The following S100A7 variants were observed in gnomAD, a reference collection of about 807,000 sequenced individuals.
The protein encoded by S100A7 is S100 calcium binding protein A7.
A neutral mutation model predicts 3.8 loss-of-function variants in S100A7; 2 were observed. That is an observed-to-expected ratio of 0.53 (90% CI 0.22 to 1.67). S100A7 has a LOEUF of 1.67. Ranked by LOEUF, S100A7 falls within the 40% of genes most tolerant of loss-of-function variation. S100A7 has a pLI of 0.20. For synonymous variants in S100A7, 55 were observed against 45.9 expected (o/e 1.20, Z -0.80); for missense variants, 130 against 126.3 (o/e 1.03, Z -0.14).
At chr1:153,459,262 G>A (rs376344300) in intron 1 of S100A7, among the ~76,000 whole-genome samples, 15 of 152,336 alleles carry the variant, frequency 9.8e-5, no homozygotes, top group Middle Eastern at 3.4e-3. Context: ...GGTGGATGGC[G>A]GAAGTCCAGC....
At position 153,458,931 on chromosome 1, in the gene S100A7, T is replaced by C. The variant is rs1213351919; in HGVS notation, c.83A>G (p.Glu28Gly). Residue 28 changes from glutamate to glycine, a missense_variant, in exon 2 of 3, where the codon GAG becomes GGG. By Grantham distance (98) the Glu-to-Gly change is moderately conservative (BLOSUM62 -2). Transcript: ENST00000368723. ...CATCATCGTCAGCAGGCTTGGCTTC[T>C]CAATCTTGTCATCACGTCTGGTGTA... ...HKYTRRDDKI[E>G]KPSLLTMMKE... The C allele has an allele frequency of 8.7e-6, 14 of 1,614,050 alleles. No individual in the cohort carries two copies. Among genetic ancestry groups the C allele is most frequent in the Non-Finnish European group, 1.2e-5 (14 of 1,179,930 alleles).
chr1:153,458,087 G>A (rs574181063), intron 2 of S100A7, 117 bp from the exon 3 acceptor site: 2 of 1,185,900 alleles, frequency 1.7e-6, no homozygotes, highest in South Asian at 1.4e-5. Context: ...AGGCATGGTG[G>A]CGGGGCTGAG....
Position 153,457,939 on chromosome 1 carries a change from A to G in S100A7, c.173T>C (p.Val58Ala), listed in dbSNP as rs1176096804. Residue 58 changes from valine to alanine, a missense_variant, in exon 3 of 3, where the codon GTC (valine) becomes GCC (alanine). Transcript: ENST00000368723. Reference sequence around the variant, plus strand: ...CTCATTCTTGTCCTTTTTCTCAAAGACATCGGCGAGGTAATTTGTGCCCTT... The same window carrying G: ...CTCATTCTTGTCCTTTTTCTCAAAGGCATCGGCGAGGTAATTTGTGCCCTT... ...DKKGTNYLAD[V>A]FEKKDKNEDK... 4 of 1,614,204 alleles carry G rather than the reference A, an allele frequency of 2.5e-6. No individual in the cohort carries two copies. The Admixed American group carries it at 6.7e-5, about 27-fold the overall frequency.
At chr1:153,459,154 ATT>A in intron 1 of S100A7, 124 bp from the exon 2 acceptor site, 8 of 1,156,436 alleles carry the variant, frequency 6.9e-6, no homozygotes, top group Non-Finnish European at 9.6e-6. Flanking sequence ...AACGAACTCA[ATT>A]TTTTTTTAAT....
chr1:153,458,853 G>C lies in S100A7; in HGVS notation c.141+20C>G. ...AGCAAAATGTATCCTCCAACATTGA[G>C]AAGCTAGACACCGACTCACACAGGC... On this transcript the variant is annotated intron_variant, in intron 2 of 2. Coordinates refer to ENST00000368723, the MANE Select transcript of S100A7 (RefSeq NM_002963.4). The C allele has an allele frequency of 6.2e-7, 1 of 1,613,010 alleles. No individual in the cohort carries two copies. The highest frequency in any genetic ancestry group is 1.1e-5 in the South Asian group (1 of 90,948).
intron 2 of S100A7, among the ~76,000 whole-genome samples, chr1:153,458,655 GCA>G (rs941123946): frequency 9.2e-5 from 14 of 152,074 alleles, no homozygotes; most frequent in African/African-American, 3.1e-4. Context: ...CCCTCAAGCT[GCA>G]CACTTTGCTG....
chr1:153,458,024 G>A lies in S100A7; in HGVS notation c.142-54C>T, dbSNP rs571374972. 1.6e-4 allele frequency: 252 copies of A among 1,592,064 alleles called. 1 individual carries two copies. In the South Asian group the frequency reaches 2.8e-3, roughly 18 times the overall value. Reference sequence around the variant, plus strand: ...AAAATTCAATCACAAACAAGTTTTGGGCTGGGAGGGAGAGGAGGAGGCAGA... The same window carrying A: ...AAAATTCAATCACAAACAAGTTTTGAGCTGGGAGGGAGAGGAGGAGGCAGA... On this transcript the variant is annotated intron_variant, in intron 2 of 2. Coordinates refer to ENST00000368723, the MANE Select transcript of S100A7 (RefSeq NM_002963.4).
Position 153,457,911 on chromosome 1 carries a change from A to T in S100A7, c.201T>A (p.Asp67Glu). ...DVFEKKDKNE[D>E]KKIDFSEFLS... ...GAAACTCAGAAAAATCAATCTTCTT[A>T]TCCTCATTCTTGTCCTTTTTCTCAA... Residue 67 changes from aspartate to glutamate, a missense_variant, in exon 3 of 3, where the codon GAT becomes GAA. Asp to Glu is a conservative substitution (Grantham distance 45). Coordinates refer to ENST00000368723, the MANE Select transcript of S100A7 (RefSeq NM_002963.4). 1 of 1,614,196 alleles carries T rather than the reference A, an allele frequency of 6.2e-7. No homozygotes were observed. The highest frequency in any genetic ancestry group is 2.2e-5 in the East Asian group (1 of 44,886).
At chr1:153,458,849 T>A (rs1205212607) in intron 2 of S100A7, 24 bp downstream of exon 2, 5 of 1,612,878 alleles carry the variant, frequency 3.1e-6, no homozygotes, top group Non-Finnish European at 4.2e-6. Flanking sequence ...TCCTCCAACA[T>A]TGAGAAGCTA....
intron 1 of S100A7, among the ~76,000 whole-genome samples, chr1:153,459,629 C>T (rs1663779127): frequency 6.6e-6 from 1 of 152,148 alleles, no homozygotes; most frequent in Non-Finnish European, 1.5e-5. Context: ...GCACAGGGGG[C>T]CCTTCTTGTA....
chr1:153,458,412 T>C (rs1409986038), intron 2 of S100A7, among the ~76,000 whole-genome samples: 1 of 152,206 alleles, frequency 6.6e-6, no homozygotes, highest in East Asian at 1.9e-4. Context: ...ATCCTACTCT[T>C]GGTCATCTAG....
chr1:153,459,049 A>G lies in S100A7; in HGVS notation c.-17-19T>C. On this transcript the variant is annotated intron_variant, in intron 1 of 2. Coordinates refer to ENST00000368723, the MANE Select transcript of S100A7 (RefSeq NM_002963.4). ...AAAAAGCCTTCAGGAAATAAAGACA[A>G]TCATTTTTTTCCCTTCATTTAAGTT... The G allele has an allele frequency of 6.2e-7, 1 of 1,607,424 alleles. No homozygotes were observed. Among genetic ancestry groups the G allele is most frequent in the Non-Finnish European group, 8.5e-7 (1 of 1,176,024 alleles).
chr1:153,457,836 T>C lies in S100A7; in HGVS notation c.276A>G (p.Gly92=). 6.2e-7 allele frequency: 1 copy of C among 1,614,160 alleles called. No homozygotes were observed. The highest frequency in any genetic ancestry group is 8.5e-7 in the Non-Finnish European group (1 of 1,180,022). The change falls in exon 3 of 3, where the codon GGA becomes GGG. Residue 92 remains glycine, a synonymous_variant. Coordinates refer to ENST00000368723, the MANE Select transcript of S100A7 (RefSeq NM_002963.4). ...IATDYHKQSH[G]AAPCSGGSQ ...GGCTGCCCCCGGAACAGGGCGCTGC[T>C]CCATGGCTCTGCTTGTGGTAGTCTG...
At chr1:153,460,337 G>A (rs575250950) in intron 1 of S100A7, among the ~76,000 whole-genome samples, 2 of 152,188 alleles carry the variant, frequency 1.3e-5, no homozygotes, top group Non-Finnish European at 2.9e-5. Flanking sequence ...GGACAGGGAG[G>A]GTCCTGTGCT....
At position 153,458,901 on chromosome 1, in the gene S100A7, TC is replaced by T; in HGVS notation, c.112del (p.Glu38ArgfsTer45). ...GGCACTAAGGAAGTTGGGGAAGTTC[TC>T]CTTCATCATCGTCAGCAGGCTTGGC... is the stretch of plus-strand genomic sequence containing the variant. ...EKPSLLTMMK[E>X]NFPNFLSACD... On this transcript the variant is annotated frameshift_variant, in exon 2 of 3. Transcript: ENST00000368723. LOFTEE classifies it low-confidence loss of function (END_TRUNC). The T allele has an allele frequency of 6.2e-7, 1 of 1,613,954 alleles. No individual in the cohort carries two copies.
At position 153,459,008 on chromosome 1, in the gene S100A7, G is replaced by A; in HGVS notation, c.6C>T (p.Ser2=). Residue 2 remains serine (S), a synonymous_variant, in exon 2 of 3, where the codon AGC becomes AGT. Coordinates refer to ENST00000368723, the MANE Select transcript of S100A7 (RefSeq NM_002963.4). ...TTATGGACCTCTCAGCTTGAGTGTTGCTCATCTTTGCTTTCAAAAAGCCTT... is the reference window on the plus strand; with the variant it reads ...TTATGGACCTCTCAGCTTGAGTGTTACTCATCTTTGCTTTCAAAAAGCCTT... The part of the protein sequence containing the change: M[S]NTQAERSIIG... 6.2e-7 allele frequency: 1 copy of A among 1,610,690 alleles called. No homozygotes were observed. Among genetic ancestry groups the A allele is most frequent in the Non-Finnish European group, 8.5e-7 (1 of 1,178,878 alleles).
chr1:153,459,118 G>A, intron 1 of S100A7, 88 bp from the exon 2 acceptor site: 1 of 1,460,794 alleles, frequency 6.8e-7, no homozygotes, highest in Non-Finnish European at 9.3e-7. Context: ...TGAGGACAGA[G>A]TAAAAACACG....
Position 153,457,973 on chromosome 1 carries a change from G to A in S100A7, c.142-3C>T, listed in dbSNP as rs1222048009. The A allele has an allele frequency of 1.2e-6, 2 of 1,612,918 alleles. No individual in the cohort carries two copies. Among genetic ancestry groups the A allele is most frequent in the African/African-American group, 1.3e-5 (1 of 74,800 alleles). ...AGGTAATTTGTGCCCTTTTTGTCCT[G>A]TGAAGAGAAAAACATACAAAATAGA... is the stretch of plus-strand genomic sequence containing the variant. On this transcript the variant is annotated splice_region_variant and splice_polypyrimidine_tract_variant and intron_variant, in intron 2 of 2. Transcript: ENST00000368723.
At chr1:153,459,548 G>T (rs1046504493) in intron 1 of S100A7, among the ~76,000 whole-genome samples, 4 of 152,194 alleles carry the variant, frequency 2.6e-5, no homozygotes, top group African/African-American at 9.6e-5. Flanking sequence ...GCATGACACG[G>T]TGTGTGCAGG....
Sources: allele counts gnomAD v4.1 joint callset (sites outside exome capture counted in the v4.1 genomes callset), GRCh38; gene constraint gnomAD v4.1.1; transcripts MANE v1.5; gene names NCBI Gene and HGNC (gene_info 2026-07-23, HGNC 2026-07-21).